The following SUGCT variants were observed in gnomAD, a reference collection of about 807,000 sequenced individuals.
SUGCT encodes succinyl-CoA:glutarate-CoA transferase.
In SUGCT, 41 loss-of-function variants were observed where a neutral mutation model predicts 55.0. The observed-to-expected ratio is 0.74, with a 90% confidence interval of 0.58 to 0.97. The LOEUF (loss-of-function observed/expected upper bound fraction) is 0.97. Ranked by LOEUF, SUGCT falls within the 50% of genes least tolerant of loss-of-function variation. SUGCT has a pLI of 0.00. For missense variants in SUGCT, 568 were observed against 547.8 expected (o/e 1.04, Z -0.37); for synonymous variants, 187 against 200.4 (o/e 0.93, Z 0.56).
the SUGCT span, among the ~76,000 whole-genome samples, chr7:40,892,997 C>T: frequency 1.3e-5 from 2 of 151,994 alleles, no homozygotes; most frequent in South Asian, 2.1e-4. Flanking sequence ...CAAATAGTAA[C>T]CAAAAGGGAG....
At chr7:40,139,180 C>CAAT (rs1335187399) in intron 1 of SUGCT, among the ~76,000 whole-genome samples, 1 of 146,316 alleles carries the variant, frequency 6.8e-6, no homozygotes, top group African/African-American at 2.5e-5. Context: ...ATAAATAAAT[C>CAAT]CAGGATTCAT....
the SUGCT span, among the ~76,000 whole-genome samples, chr7:40,944,602 G>T: frequency 1.3e-5 from 2 of 152,068 alleles, no homozygotes; most frequent in African/African-American, 4.8e-5. Flanking sequence ...GATATGCGGT[G>T]TTATTTCTGA....
chr7:40,988,956 A>G, the SUGCT span, among the ~76,000 whole-genome samples: 1 of 152,148 alleles, frequency 6.6e-6, no homozygotes, highest in Non-Finnish European at 1.5e-5. Context: ...AGACACAACA[A>G]TACAGCAAAT....
chr7:41,034,788 CT>C, the SUGCT span, among the ~76,000 whole-genome samples: 1 of 152,142 alleles, frequency 6.6e-6, no homozygotes, highest in Non-Finnish European at 1.5e-5. Flanking sequence ...GGAGTGGCCT[CT>C]GAGTGGAGGT....
At chr7:40,996,106 C>T in the SUGCT span, among the ~76,000 whole-genome samples, 6 of 152,162 alleles carry the variant, frequency 3.9e-5, no homozygotes, top group Non-Finnish European at 7.4e-5. Context: ...AATCAGTGCT[C>T]AACATTTTTG....
At chr7:40,922,648 T>G in the SUGCT span, among the ~76,000 whole-genome samples, 1 of 152,218 alleles carries the variant, frequency 6.6e-6, no homozygotes, top group Non-Finnish European at 1.5e-5. Context: ...TATATTTCAC[T>G]TCATCCAAAA....
the SUGCT span, among the ~76,000 whole-genome samples, chr7:41,000,281 C>T: frequency 1.2e-4 from 18 of 152,144 alleles, no homozygotes; most frequent in African/African-American, 3.1e-4. Context: ...CACACACGCA[C>T]GGACACACAC....
At chr7:40,483,999 A>T (rs1170023736) in intron 11 of SUGCT, among the ~76,000 whole-genome samples, 1 of 152,180 alleles carries the variant, frequency 6.6e-6, no homozygotes, top group South Asian at 2.1e-4. Flanking sequence ...TGATAAGTAA[A>T]TGATATTTAC....
At chr7:40,867,054 T>C in the SUGCT span, among the ~76,000 whole-genome samples, 1 of 151,614 alleles carries the variant, frequency 6.6e-6, no homozygotes, top group African/African-American at 2.4e-5. Flanking sequence ...GTCAGAGTTG[T>C]TACCTTTAAT....
At chr7:40,788,399 C>T (rs1176342671) in intron 13 of SUGCT, among the ~76,000 whole-genome samples, 5 of 152,134 alleles carry the variant, frequency 3.3e-5, no homozygotes, top group East Asian at 1.9e-4. Flanking sequence ...TGGATGCCAA[C>T]GATGAGACTG....
chr7:40,137,560 T>C (rs539075865), intron 1 of SUGCT, among the ~76,000 whole-genome samples: 4 of 152,236 alleles, frequency 2.6e-5, no homozygotes, highest in Non-Finnish European at 5.9e-5. Context: ...TTTATTAAAA[T>C]TCAAAAGCCA....
intron 9 of SUGCT, among the ~76,000 whole-genome samples, chr7:40,362,168 C>A (rs1336217644): frequency 6.6e-6 from 1 of 152,090 alleles, no homozygotes; most frequent in Non-Finnish European, 1.5e-5. Flanking sequence ...CCTGTAATCC[C>A]AGCACTTTGG....
At chr7:40,573,131 C>A (rs1562871222) in intron 12 of SUGCT, among the ~76,000 whole-genome samples, 1 of 152,174 alleles carries the variant, frequency 6.6e-6, no homozygotes, top group Non-Finnish European at 1.5e-5. Context: ...AAACGAATCC[C>A]ATCTTCTACC....
intron 12 of SUGCT, among the ~76,000 whole-genome samples, chr7:40,615,102 A>T (rs1162387982): frequency 1.3e-5 from 2 of 151,982 alleles, no homozygotes; most frequent in Non-Finnish European, 2.9e-5. Context: ...ATAAAAATTT[A>T]AAAAGAATTT....
At chr7:40,741,738 C>T (rs1050042204) in intron 12 of SUGCT, among the ~76,000 whole-genome samples, 3 of 152,152 alleles carry the variant, frequency 2.0e-5, no homozygotes, top group African/African-American at 7.2e-5. Flanking sequence ...TGGCATACTT[C>T]ATATTAATGG....
At chr7:40,267,229 A>G (rs574226478) in intron 7 of SUGCT, among the ~76,000 whole-genome samples, 126 of 152,246 alleles carry the variant, frequency 8.3e-4, no homozygotes, top group African/African-American at 3.0e-3. Flanking sequence ...TATTGATGAC[A>G]GTCATATCTG....
intron 12 of SUGCT, among the ~76,000 whole-genome samples, chr7:40,699,581 T>C (rs1265242787): frequency 6.6e-6 from 1 of 152,196 alleles, no homozygotes. Context: ...GTTTAAATGC[T>C]GTTAAGGCCC....
At chr7:40,567,529 G>C (rs374871040) in intron 12 of SUGCT, among the ~76,000 whole-genome samples, 2 of 152,096 alleles carry the variant, frequency 1.3e-5, no homozygotes, top group Admixed American at 1.3e-4. Flanking sequence ...CTGAATAGGG[G>C]ATTTCTTCTA....
At chr7:40,185,264 C>T (rs1266729667) in intron 3 of SUGCT, among the ~76,000 whole-genome samples, 1 of 152,094 alleles carries the variant, frequency 6.6e-6, no homozygotes, top group South Asian at 2.1e-4. Flanking sequence ...CATTGGTTTT[C>T]TTGCATTTTC....
Sources: gnomAD v4.1 joint callset for allele counts (sites outside exome capture counted in the v4.1 genomes callset) on GRCh38, gnomAD v4.1.1 for gene constraint, MANE v1.5 for transcripts, NCBI Gene and HGNC (gene_info 2026-07-23, HGNC 2026-07-21) for gene names.